Variants in FLG2 observed in about 807,000 individuals in gnomAD.
FLG2 encodes the protein filaggrin-2.
FLG2 carries 7 observed loss-of-function variants against 3.9 expected under a neutral mutation model. That is an observed-to-expected ratio of 1.79 (90% confidence interval 1.02 to 3.36). The LOEUF is 3.36. Among genes scored for constraint, FLG2 ranks in the 30% most tolerant of loss-of-function variants. FLG2 has a pLI of 0.00. For synonymous variants in FLG2, 1,031 were observed against 1,056.1 expected (o/e 0.98, Z 0.46); for missense variants, 2,700 against 2,809.4 (o/e 0.96, Z 0.88).
Position 152,355,699 on chromosome 1 carries a change from T to C in FLG2, c.2087A>G (p.His696Arg), listed in dbSNP as rs1301764042. 1.2e-6 allele frequency: 2 copies of C among 1,613,910 alleles called. No individual in the cohort carries two copies. Among genetic ancestry groups the C allele is most frequent in the South Asian group, 2.2e-5 (2 of 91,076 alleles). Reference sequence around the variant, plus strand: ...AGATGATTGACTTGAGCCAAAACCATGTTGGCCATAGCTAGAATGACCTGA... The same window carrying C: ...AGATGATTGACTTGAGCCAAAACCACGTTGGCCATAGCTAGAATGACCTGA... ...SRSGHSSYGQHGFGSSQSSGY... is the reference protein window; with the variant it reads ...SRSGHSSYGQRGFGSSQSSGY... Residue 696 changes from histidine to arginine, a missense_variant, in exon 3 of 3, where the codon CAT (histidine) becomes CGT (arginine). Coordinates refer to ENST00000388718, the MANE Select transcript of FLG2 (RefSeq NM_001014342.3).
Position 152,356,213 on chromosome 1 carries a change from A to G in FLG2, c.1573T>C (p.Ser525Pro). 6.2e-7 allele frequency: 1 copy of G among 1,613,676 alleles called. No homozygotes were observed. The highest frequency in any genetic ancestry group is 8.5e-7 in the Non-Finnish European group (1 of 1,179,684). Residue 525 changes from serine to proline, a missense_variant, in exon 3 of 3, where the codon TCA becomes CCA. Coordinates refer to ENST00000388718, the MANE Select transcript of FLG2 (RefSeq NM_001014342.3). ...SSGFGQHGSV[S>P]GQSSGFGQHE... ...TGTCCAAAACCAGAGGATTGTCCTG[A>G]GACAGACCCATGCTGTCCAAAACCA...
chr1:152,355,453 C>A lies in FLG2; in HGVS notation c.2333G>T (p.Ser778Ile). ...ATGTTGGCCATAGCCAGATGACTGA[C>A]TTGAGCCAGAACTGTGTTGGCCATA... ...SSYGQHSSGS[S>I]QSSGYGQHGS... Residue 778 changes from serine to isoleucine, a missense_variant, in exon 3 of 3, where the codon AGT becomes ATT. Transcript: ENST00000388718. 2 of 1,612,624 alleles carry A rather than the reference C, an allele frequency of 1.2e-6. No individual in the cohort carries two copies. The highest frequency in any genetic ancestry group is 1.7e-6 in the Non-Finnish European group (2 of 1,179,812).
Position 152,356,568 on chromosome 1 carries a change from G to A in FLG2, c.1218C>T (p.Asn406=), listed in dbSNP as rs780692988. 1.2e-6 allele frequency: 2 copies of A among 1,614,060 alleles called. No individual in the cohort carries two copies. Among genetic ancestry groups the A allele is most frequent in the Non-Finnish European group, 1.7e-6 (2 of 1,180,040 alleles). The change falls in exon 3 of 3, where the codon AAC becomes AAT. Residue 406 remains asparagine, a synonymous_variant. Transcript: ENST00000388718. ...HEYGSCGRFS[N]SSSSNEFSKC... ...TGGAAAATTCATTTGAACTAGAAGA[G>A]TTTGAAAAGCGGCCACAGGAACCAT...
intron 2 of FLG2, among the ~76,000 whole-genome samples, chr1:152,358,120 C>T (rs1390689918): frequency 6.6e-6 from 1 of 151,124 alleles, no homozygotes; most frequent in Non-Finnish European, 1.5e-5. Flanking sequence ...CTCCCAGGTT[C>T]ACGCCATTCT....
chr1:152,354,157 G>C lies in FLG2; in HGVS notation c.3629C>G (p.Ser1210Ter). 1 of 1,614,250 alleles carries C rather than the reference G, an allele frequency of 6.2e-7. No homozygotes were observed. Among genetic ancestry groups the C allele is most frequent in the Non-Finnish European group, 8.5e-7 (1 of 1,180,042 alleles). The change falls in exon 3 of 3, where the codon TCA (serine) becomes TGA (stop). Residue 1210 changes from serine to a stop codon, truncating the protein, a stop_gained. Transcript: ENST00000388718. LOFTEE classifies it low-confidence loss of function (END_TRUNC). The part of the protein sequence containing the change: ...GQSTGFGQYG[S>*]GSGQSTGLGQ... ...CAAGCCAGTTGATTGACCTGAGCCT[G>C]AACCATATTGGCCAAATCCAGTGGA...
Position 152,351,472 on chromosome 1 carries a change from T to C in FLG2, c.6314A>G (p.His2105Arg). The change falls in exon 3 of 3, where the codon CAC becomes CGC. Residue 2105 changes from histidine to arginine, a missense_variant. Coordinates refer to ENST00000388718, the MANE Select transcript of FLG2 (RefSeq NM_001014342.3). ...SRTAGRRGSG[H>R]SESSDSEVHS... ...CACTTCACTGTCACTGGACTCACTG[T>C]GGCCAGATCCCCTTCTTCCAGCTGT... 1.2e-6 allele frequency: 2 copies of C among 1,613,246 alleles called. No homozygotes were observed. Among genetic ancestry groups the C allele is most frequent in the Non-Finnish European group, 8.5e-7 (1 of 1,179,778 alleles).
At position 152,350,858 on chromosome 1, in the gene FLG2, A is replaced by C; in HGVS notation, c.6928T>G (p.Ser2310Ala). ...QTGDTTRHGH[S>A]GYGQSTQTGS... ...GTCTGTGTGGATTGTCCATAACCAG[A>C]ATGGCCATGTCTAGTGGTATCTCCT... The change falls in exon 3 of 3, where the codon TCT becomes GCT. Residue 2310 changes from serine to alanine, a missense_variant. Transcript: ENST00000388718. 6.2e-7 allele frequency: 1 copy of C among 1,614,070 alleles called. No individual in the cohort carries two copies. Among genetic ancestry groups the C allele is most frequent in the Non-Finnish European group, 8.5e-7 (1 of 1,180,024 alleles).
rs916980875 is a variant in FLG2 at position 152,351,109 on chromosome 1, G to A, written c.6677C>T (p.Thr2226Ile). Residue 2226 changes from threonine to isoleucine, a missense_variant, in exon 3 of 3, where the codon ACA (threonine) becomes ATA (isoleucine). By Grantham distance (89) the Thr-to-Ile change is moderately conservative (BLOSUM62 -1). Coordinates refer to ENST00000388718, the MANE Select transcript of FLG2 (RefSeq NM_001014342.3). ...GTGGGCATGTCTAGTGGTATCTCCT[G>A]TCTGTCCATGAGTAGTTCCCTGTCT... Reference protein sequence around the residue: ...HGRQGTTHGQTGDTTRHAHYG... With the variant: ...HGRQGTTHGQIGDTTRHAHYG... 6.8e-6 allele frequency: 11 copies of A among 1,613,862 alleles called. No individual in the cohort carries two copies. Among genetic ancestry groups the A allele is most frequent in the East Asian group, 2.2e-5 (1 of 44,856 alleles).
rs148922020 is a variant in FLG2 at position 152,353,572 on chromosome 1, C to T, written c.4214G>A (p.Gly1405Asp). Reference protein sequence around the residue: ...TGEATGHGHSGHGQSTQRGSR... With the variant: ...TGEATGHGHSDHGQSTQRGSR... ...CCCTCTCTGTGTGGACTGTCCATGA[C>T]CAGAGTGGCCATGTCCAGTGGCCTC... Residue 1405 changes from glycine (G) to aspartate (D), a missense_variant, in exon 3 of 3, where the codon GGT (glycine) becomes GAT (aspartate). By Grantham distance (94) the Gly-to-Asp change is moderately conservative (BLOSUM62 -1). Coordinates refer to ENST00000388718, the MANE Select transcript of FLG2 (RefSeq NM_001014342.3). The T allele has an allele frequency of 6.2e-7, 1 of 1,613,294 alleles. No individual in the cohort carries two copies. The highest frequency in any genetic ancestry group is 1.1e-5 in the South Asian group (1 of 91,016).
chr1:152,351,145 G>C lies in FLG2; in HGVS notation c.6641C>G (p.Ser2214Ter). The change falls in exon 3 of 3, where the codon TCA becomes TGA. Residue 2214 changes from serine to a stop codon, truncating the protein, a stop_gained. Coordinates refer to ENST00000388718, the MANE Select transcript of FLG2 (RefSeq NM_001014342.3). LOFTEE classifies it low-confidence loss of function (END_TRUNC). ...AGTAGTTCCCTGTCTCCCATGACCT[G>C]AGGATCCTGACTGTCCATGTCGAGA... is the stretch of plus-strand genomic sequence containing the variant. ...AGSRHGQSGS[S>*]GHGRQGTTHG... is the part of the protein sequence containing the mutation. The C allele has an allele frequency of 1.2e-6, 2 of 1,613,810 alleles. No homozygotes were observed. The highest frequency in any genetic ancestry group is 1.7e-6 in the Non-Finnish European group (2 of 1,179,972).
At position 152,350,685 on chromosome 1, in the gene FLG2, G is replaced by T. The variant is rs749215152; in HGVS notation, c.7101C>A (p.Ser2367Arg). ...GGTGAGAATTACTGATGCTTTTTCT[G>T]CTGCCACCAGAAGGCCCATACCCAG... Reference protein sequence around the residue: ...GHTGYGPSGGSRKSISNSHLS... With the variant: ...GHTGYGPSGGRRKSISNSHLS... The change falls in exon 3 of 3, where the codon AGC becomes AGA. Residue 2367 changes from serine to arginine, a missense_variant. By Grantham distance (110) the Ser-to-Arg change is moderately radical (BLOSUM62 -1). Coordinates refer to ENST00000388718, the MANE Select transcript of FLG2 (RefSeq NM_001014342.3). 36 of 1,614,030 alleles carry T rather than the reference G, an allele frequency of 2.2e-5. No homozygotes were observed. In the South Asian group the frequency reaches 3.8e-4, roughly 17 times the overall value.
rs199839343 is a variant in FLG2, at chr1:152,352,935, G to A, written c.4851C>T (p.His1617=). ...CTCCTATCTGTCCATGAGTAGTTCC[G>A]TGTCTCTCATGAACTGTGAATTCTG... is the stretch of plus-strand genomic sequence containing the variant. ...EEPEFTVHER[H]GTTHGQIGDT... The change falls in exon 3 of 3, where the codon CAC becomes CAT. Residue 1617 remains histidine, a synonymous_variant. Coordinates refer to ENST00000388718, the MANE Select transcript of FLG2 (RefSeq NM_001014342.3). The A allele has an allele frequency of 1.7e-5, 28 of 1,613,246 alleles. No homozygotes were observed. Among genetic ancestry groups the A allele is most frequent in the East Asian group, 4.5e-5 (2 of 44,824 alleles).
chr1:152,358,123 G>T (rs537491932), intron 2 of FLG2, among the ~76,000 whole-genome samples: 1 of 151,072 alleles, frequency 6.6e-6, no homozygotes. Flanking sequence ...CCAGGTTCAC[G>T]CCATTCTCCT....
chr1:152,350,147 C>T lies in FLG2; in HGVS notation c.*463G>A, dbSNP rs186253486. 45 of 168,774 alleles carry T rather than the reference C, an allele frequency of 2.7e-4. No homozygotes were observed. The highest frequency in any genetic ancestry group is 1.1e-3 in the East Asian group (7 of 6,192). The allele number at this position is 168,774 out of a possible 1,614,324, so 10.5% of individuals were successfully genotyped here. ...ACCTGCCCATGAAAAGTTGTATCTC[C>T]GAAATGTTGCTGGCTAGATCCATGT... On this transcript the variant is annotated 3_prime_UTR_variant, in exon 3 of 3. Coordinates refer to ENST00000388718, the MANE Select transcript of FLG2 (RefSeq NM_001014342.3).
In FLG2 at chr1:152,354,255, TGTG is replaced by T. The variant is rs768555225; in HGVS notation, c.3528_3530del (p.Thr1177del). On this transcript the variant is annotated inframe_deletion, in exon 3 of 3. Coordinates refer to ENST00000388718, the MANE Select transcript of FLG2 (RefSeq NM_001014342.3). ...AGCCAGACACATGCTGTCCAAAACTTGTGGTTGGACCTGAGCCAGACTCATGTT... is the reference window on the plus strand; with the variant it reads ...AGCCAGACACATGCTGTCCAAAACTTGTTGGACCTGAGCCAGACTCATGTT... The T allele has an allele frequency of 2.5e-6, 4 of 1,613,806 alleles. No individual in the cohort carries two copies. Among genetic ancestry groups the T allele is most frequent in the African/African-American group, 1.3e-5 (1 of 74,900 alleles).
At position 152,351,567 on chromosome 1, in the gene FLG2, A is replaced by G. The variant is rs138816378; in HGVS notation, c.6219T>C (p.His2073=). Residue 2073 remains histidine, a synonymous_variant, in exon 3 of 3, where the codon CAT becomes CAC. Transcript: ENST00000388718. ...GTCTAGTGGTATCTCCTGTCTGTCC[A>G]TGAGTAGTTCCGTGTCTCTCATGAA... ...SSVHERHGTT[H]GQTGDTTRHA... 97 of 1,611,350 alleles carry G rather than the reference A, an allele frequency of 6.0e-5. 1 individual carries two copies. The African/African-American group carries it at 1.0e-3, about 17-fold the overall frequency.
rs780018291 is a variant in FLG2, at chr1:152,354,520, T to C, written c.3266A>G (p.Tyr1089Cys). The part of the protein sequence containing the change: ...HGSGSSQSSG[Y>C]GQHGSNSGQT... The stretch of plus-strand genomic sequence containing the variant: ...TCCTGAATTTGACCCATGTTGACCA[T>C]AGCCAGATGATTGACTTGAGCCAGA... Residue 1089 changes from tyrosine to cysteine, a missense_variant, in exon 3 of 3, where the codon TAT becomes TGT. Tyr to Cys is a radical substitution (Grantham distance 194, BLOSUM62 -2). Coordinates refer to ENST00000388718, the MANE Select transcript of FLG2 (RefSeq NM_001014342.3). The C allele has an allele frequency of 4.5e-5, 72 of 1,611,068 alleles. No individual in the cohort carries two copies. The highest frequency in any genetic ancestry group is 6.0e-5 in the Non-Finnish European group (71 of 1,179,210).
At position 152,351,750 on chromosome 1, in the gene FLG2, A is replaced by G; in HGVS notation, c.6036T>C (p.His2012=). 6.2e-7 allele frequency: 1 copy of G among 1,610,704 alleles called. No individual in the cohort carries two copies. The highest frequency in any genetic ancestry group is 8.5e-7 in the Non-Finnish European group (1 of 1,179,478). The part of the protein sequence containing the change: ...ADTTRHGHSG[H]GQSTQRGSRT... ...TGGACCCTCTCTGTGTGGACTGTCCATGACCAGAGTGGCCATGTCTAGTGG... is the reference window on the plus strand; with the variant it reads ...TGGACCCTCTCTGTGTGGACTGTCCGTGACCAGAGTGGCCATGTCTAGTGG... Residue 2012 remains histidine (H), a synonymous_variant, in exon 3 of 3, where the codon CAT becomes CAC. Transcript: ENST00000388718.
rs1653994631 is a variant in FLG2 at position 152,352,605 on chromosome 1, G to T, written c.5181C>A (p.Gly1727=). Residue 1727 remains glycine, a synonymous_variant, in exon 3 of 3, where the codon GGC becomes GGA. Coordinates refer to ENST00000388718, the MANE Select transcript of FLG2 (RefSeq NM_001014342.3). The stretch of plus-strand genomic sequence containing the variant: ...CTTCACTGTCACTGTACTCACTGTG[G>T]CCAGATCCCCTTCTTCCAGTAGTCC... ...GSRTTGRRGS[G]HSEYSDSEGY... 6.2e-7 allele frequency: 1 copy of T among 1,613,982 alleles called. No homozygotes were observed. Among genetic ancestry groups the T allele is most frequent in the Non-Finnish European group, 8.5e-7 (1 of 1,179,992 alleles).
Sources: allele counts gnomAD v4.1 joint callset (sites outside exome capture counted in the v4.1 genomes callset), GRCh38; gene constraint gnomAD v4.1.1; transcripts MANE v1.5; gene names NCBI Gene and HGNC (gene_info 2026-07-23, HGNC 2026-07-21).